STXBP4: variants seen among roughly 807,000 people sequenced by gnomAD.
STXBP4 encodes the protein syntaxin-binding protein 4.
In STXBP4, 55 loss-of-function variants were observed where a neutral mutation model predicts 76.1. That is an observed-to-expected ratio of 0.72 (90% CI 0.58 to 0.91). The LOEUF (loss-of-function observed/expected upper bound fraction) is 0.91. STXBP4 is among the 40% of genes least tolerant of loss of function. The pLI is 0.00. For synonymous variants in STXBP4, 201 were observed against 220.2 expected, an observed-to-expected ratio of 0.91 and a Z score of 0.77; for missense variants, 618 against 636.9, an observed-to-expected ratio of 0.97 and a Z score of 0.32.
chr17:55,114,386 G>A (rs942136577), intron 16 of STXBP4, among the ~76,000 whole-genome samples: 2 of 151,950 alleles, frequency 1.3e-5, no homozygotes, highest in East Asian at 1.9e-4. Context: ...AAGAAAACAG[G>A]ATAATAAACT....
At chr17:55,123,070 GCAGACACA>G (rs1252942008) in intron 16 of STXBP4, among the ~76,000 whole-genome samples, 1 of 152,020 alleles carries the variant, frequency 6.6e-6, no homozygotes, top group Non-Finnish European at 1.5e-5. Flanking sequence ...ATCAGTTAAA[GCAGACACA>G]CAATTTTAAG....
rs142038225 is a variant in STXBP4, at chr17:55,043,189, A to G, written c.856-47A>G. On this transcript the variant is annotated intron_variant, in intron 10 of 17. Coordinates refer to ENST00000376352, the MANE Select transcript of STXBP4 (RefSeq NM_178509.6). ...AATGATTTTTATGTTACCTCTCATA[A>G]TTAGCATCTAATGCACAACTTTTCT... 4.1e-5 allele frequency: 40 copies of G among 964,138 alleles called. No individual in the cohort carries two copies. In the East Asian group the frequency reaches 8.5e-4, roughly 21 times the overall value. The allele number at this position is 964,138 out of a possible 1,614,324, so 59.7% of individuals were successfully genotyped here.
At chr17:55,180,680 C>G in the STXBP4 span, among the ~76,000 whole-genome samples, 1 of 152,164 alleles carries the variant, frequency 6.6e-6, no homozygotes, top group East Asian at 1.9e-4. Flanking sequence ...CTGAGACCAC[C>G]ATGCTTTCTG....
chr17:55,083,881 G>A (rs1219482110), intron 16 of STXBP4, among the ~76,000 whole-genome samples: 1 of 152,120 alleles, frequency 6.6e-6, no homozygotes, highest in Non-Finnish European at 1.5e-5. Context: ...ATTCATCAAT[G>A]CAAATTTGAG....
At chr17:55,075,605 A>C (rs946776228) in intron 13 of STXBP4, among the ~76,000 whole-genome samples, 1 of 152,172 alleles carries the variant, frequency 6.6e-6, no homozygotes, top group Non-Finnish European at 1.5e-5. Flanking sequence ...TGTGCTTGAA[A>C]GTGTTTGAAC....
At chr17:55,068,528 G>A (rs1047460465) in intron 12 of STXBP4, among the ~76,000 whole-genome samples, 1 of 152,064 alleles carries the variant, frequency 6.6e-6, no homozygotes, top group Non-Finnish European at 1.5e-5. Flanking sequence ...AAAAATACAT[G>A]TGCAAATTTT....
chr17:55,049,931 A>T (rs1387338374), intron 12 of STXBP4, among the ~76,000 whole-genome samples: 2 of 152,204 alleles, frequency 1.3e-5, no homozygotes, highest in East Asian at 3.9e-4. Context: ...CAAACCTTTG[A>T]CAGTCTCAAA....
At chr17:55,011,810 G>A (rs1357992524) in intron 8 of STXBP4, among the ~76,000 whole-genome samples, 1 of 152,084 alleles carries the variant, frequency 6.6e-6, no homozygotes, top group Non-Finnish European at 1.5e-5. Flanking sequence ...TTCTTAGTCG[G>A]CCTAGGAAAT....
chr17:55,026,526 G>C (rs1036719248), intron 8 of STXBP4, among the ~76,000 whole-genome samples: 1 of 152,122 alleles, frequency 6.6e-6, no homozygotes, highest in African/African-American at 2.4e-5. Context: ...CCTACACTAT[G>C]AGCCAGCCAA....
At chr17:55,039,803 A>G (rs922711639) in intron 10 of STXBP4, among the ~76,000 whole-genome samples, 2 of 152,120 alleles carry the variant, frequency 1.3e-5, no homozygotes, top group African/African-American at 4.8e-5. Context: ...GGTAGCATTT[A>G]TAGAAATAGG....
At chr17:54,972,987 T>A (rs1184400080) in intron 1 of STXBP4, among the ~76,000 whole-genome samples, 2 of 151,984 alleles carry the variant, frequency 1.3e-5, no homozygotes, top group Non-Finnish European at 2.9e-5. Context: ...ATCCAAACAC[T>A]CAGCAAGACA....
chr17:55,144,712 G>C (rs984497004), intron 17 of STXBP4, among the ~76,000 whole-genome samples: 1 of 152,198 alleles, frequency 6.6e-6, no homozygotes, highest in African/African-American at 2.4e-5. Context: ...TGTAAGTCAA[G>C]TATGATACAT....
the STXBP4 span, among the ~76,000 whole-genome samples, chr17:55,194,569 G>A: frequency 6.6e-6 from 1 of 152,140 alleles, no homozygotes; most frequent in Admixed American, 6.5e-5. Flanking sequence ...CCCTCCTACT[G>A]TCTGTTAATG....
At chr17:55,102,878 T>C (rs1390570362) in intron 16 of STXBP4, among the ~76,000 whole-genome samples, 1 of 152,228 alleles carries the variant, frequency 6.6e-6, no homozygotes, top group Admixed American at 6.5e-5. Flanking sequence ...TAATGACCAG[T>C]GGTGATGAGC....
At chr17:55,200,646 C>T in the STXBP4 span, among the ~76,000 whole-genome samples, 1 of 152,202 alleles carries the variant, frequency 6.6e-6, no homozygotes, top group African/African-American at 2.4e-5. Context: ...TTTCCTCACC[C>T]TACCCTCCTC....
chr17:55,019,297 C>T (rs2078262932), intron 8 of STXBP4, among the ~76,000 whole-genome samples: 2 of 151,364 alleles, frequency 1.3e-5, no homozygotes, highest in Admixed American at 6.6e-5. Flanking sequence ...TACTTTTTAC[C>T]TCCAACTTGT....
chr17:55,198,259 G>C, the STXBP4 span, among the ~76,000 whole-genome samples: 1 of 152,228 alleles, frequency 6.6e-6, no homozygotes, highest in African/African-American at 2.4e-5. Flanking sequence ...ATGGGGGACA[G>C]GTTTGCAAGG....
intron 12 of STXBP4, among the ~76,000 whole-genome samples, chr17:55,057,719 A>C (rs1420571335): frequency 6.6e-6 from 1 of 152,048 alleles, no homozygotes; most frequent in Non-Finnish European, 1.5e-5. Flanking sequence ...CCACCGCCCG[A>C]CAGGCCCCAG....
chr17:55,132,519 C>A (rs1022090575), intron 16 of STXBP4, among the ~76,000 whole-genome samples: 2 of 152,146 alleles, frequency 1.3e-5, no homozygotes, highest in African/African-American at 2.4e-5. Context: ...CTTTCAACAT[C>A]TTTTTCTAAA....
Sources: allele counts gnomAD v4.1 joint callset (sites outside exome capture counted in the v4.1 genomes callset), GRCh38; gene constraint gnomAD v4.1.1; transcripts MANE v1.5; gene names NCBI Gene and HGNC (gene_info 2026-07-23, HGNC 2026-07-21).